The following DPYSL2 variants were observed in gnomAD, a reference collection of about 807,000 sequenced individuals.
The protein encoded by DPYSL2 is dihydropyrimidinase-related protein 2.
In DPYSL2, 13 loss-of-function variants were observed where a neutral mutation model predicts 69.9. The ratio of observed to expected loss-of-function variants is 0.19; its 90% CI spans 0.12 to 0.30. The LOEUF (loss-of-function observed/expected upper bound fraction) is 0.30. Among genes scored for constraint, DPYSL2 ranks in the 10% least tolerant of loss-of-function variants. The probability of loss-of-function intolerance (pLI) is 1.00; values close to 1 mark genes in which losing one functional copy is unlikely to be tolerated. For missense variants in DPYSL2, 587 were observed against 918.9 expected, an observed-to-expected ratio of 0.64 and a Z score of 4.67; for synonymous variants, 326 against 359.1, an observed-to-expected ratio of 0.91 and a Z score of 1.04.
rs1384669018 is a variant in DPYSL2, at chr8:26,516,326, TGAG to T, written c.354+1648_354+1650del. Among the ~76,000 whole-genome samples the T allele has an allele frequency of 6.6e-6, 1 of 152,224 alleles. No homozygotes were observed. The highest frequency in any genetic ancestry group is 1.9e-4 in the East Asian group (1 of 5,202). On this transcript the variant is annotated intron_variant, in intron 1 of 13. Transcript: ENST00000521913. The surrounding 1 kb of genome is among the most constrained non-coding windows in gnomAD (Gnocchi z 4.8). ...AGTGTGTGTGAAACACTTCCCTGTG[TGAG>T]TACATTGAGTGAGGGCCAAAATCAT... is the stretch of plus-strand genomic sequence containing the variant.
At chr8:26,521,730 G>A (rs1388781463) in intron 1 of DPYSL2, among the ~76,000 whole-genome samples, 1 of 151,886 alleles carries the variant, frequency 6.6e-6, no homozygotes, top group East Asian at 1.9e-4. Flanking sequence ...TTTCCTGAGT[G>A]GATTTGCCTA....
rs1337379432 is a variant in DPYSL2 at position 26,624,198 on chromosome 8, G to T, written c.684G>T (p.Trp228Cys). 1 of 1,614,204 alleles carries T rather than the reference G, an allele frequency of 6.2e-7. No homozygotes were observed. The highest frequency in any genetic ancestry group is 1.7e-5 in the Admixed American group (1 of 60,026). The part of the protein sequence containing the change: ...GTSLLAAFDQ[W>C]REWADSKSCC... ...GCCTGCTCGCTGCCTTTGACCAGTGGAGGGAATGGGCCGACAGCAAGTCCT... is the reference window on the plus strand; with the variant it reads ...GCCTGCTCGCTGCCTTTGACCAGTGTAGGGAATGGGCCGACAGCAAGTCCT... The change falls in exon 4 of 14, where the codon TGG (tryptophan) becomes TGT (cysteine). Residue 228 changes from tryptophan (W) to cysteine (C), a missense_variant. Trp to Cys is a radical substitution (Grantham distance 215). Transcript: ENST00000521913. This position sits in a 1 kb window ranked among gnomAD's most constrained non-coding sequence, Gnocchi z 4.7.
intron 8 of DPYSL2, among the ~76,000 whole-genome samples, chr8:26,639,287 A>G (rs951239052): frequency 1.1e-4 from 17 of 152,200 alleles, no homozygotes; most frequent in African/African-American, 4.1e-4. Context: ...TTAAAGAATT[A>G]TATTTAAGGA....
intron 1 of DPYSL2, among the ~76,000 whole-genome samples, chr8:26,566,622 G>A (rs1801152942): frequency 6.6e-6 from 1 of 152,146 alleles, no homozygotes; most frequent in African/African-American, 2.4e-5. Flanking sequence ...AGGAGTAGAT[G>A]ATGAGAAGAA....
Position 26,528,135 on chromosome 8 carries a change from C to T in DPYSL2, c.354+13456C>T, listed in dbSNP as rs546172037. The stretch of plus-strand genomic sequence containing the variant: ...ACCCAGATTTGTGAACACTGCCTCA[C>T]GCAACCTGGCATCAGCTGCTAGAAC... On this transcript the variant is annotated intron_variant, in intron 1 of 13. Coordinates refer to ENST00000521913, the MANE Select transcript of DPYSL2 (RefSeq NM_001197293.3). Among the ~76,000 whole-genome samples, 10 of 152,260 alleles carry T rather than the reference C, an allele frequency of 6.6e-5. No homozygotes were observed. The East Asian group carries it at 9.7e-4, about 15-fold the overall frequency.
chr8:26,536,869 G>A (rs564238917), intron 1 of DPYSL2, among the ~76,000 whole-genome samples: 7 of 152,314 alleles, frequency 4.6e-5, no homozygotes, highest in Non-Finnish European at 8.8e-5. Flanking sequence ...AATTGCAGCT[G>A]TATTGATGGG....
chr8:26,514,713 C>A lies in DPYSL2; in HGVS notation c.354+34C>A. 2.2e-5 allele frequency: 7 copies of A among 312,930 alleles called. No homozygotes were observed. Among genetic ancestry groups the A allele is most frequent in the Non-Finnish European group, 3.6e-5 (7 of 194,196 alleles). The allele number at this position is 312,930 out of a possible 1,614,324, so 19.4% of individuals were successfully genotyped here. On this transcript the variant is annotated intron_variant, in intron 1 of 13. Transcript: ENST00000521913. The surrounding 1 kb of genome is among the most constrained non-coding windows in gnomAD (Gnocchi z 8.4). ...GGGGGTTGGGGGTGGAGACGGAGGA[C>A]GGGGCGCGGGGATCGCCCCTCCCTC...
chr8:26,555,894 T>C (rs867429604), intron 1 of DPYSL2, among the ~76,000 whole-genome samples: 5 of 141,052 alleles, frequency 3.5e-5, no homozygotes, highest in Non-Finnish European at 6.0e-5. Context: ...GTATATGTAG[T>C]ACTTGTATAG....
At chr8:26,545,233 C>T (rs545385034) in intron 1 of DPYSL2, among the ~76,000 whole-genome samples, 3 of 152,300 alleles carry the variant, frequency 2.0e-5, no homozygotes, top group Admixed American at 2.0e-4. Context: ...ACACACAAAA[C>T]ATTCTCTGGG....
intron 1 of DPYSL2, among the ~76,000 whole-genome samples, chr8:26,557,081 C>T (rs1294110771): frequency 3.9e-5 from 6 of 152,044 alleles, no homozygotes; most frequent in Non-Finnish European, 7.4e-5. Context: ...ACTCAGAATA[C>T]ATCATAGACC....
chr8:26,567,485 T>C (rs993172490), intron 1 of DPYSL2, among the ~76,000 whole-genome samples: 2 of 152,214 alleles, frequency 1.3e-5, no homozygotes, highest in Non-Finnish European at 2.9e-5. Flanking sequence ...CGGTGGGTGA[T>C]GAGGAGAGAG....
chr8:26,622,474 A>G lies in DPYSL2; in HGVS notation c.629-1669A>G, dbSNP rs62493362. 7.8e-3 allele frequency among the ~76,000 whole-genome samples: 717 copies of G among 91,636 alleles called. 1 individual carries two copies. The highest frequency in any genetic ancestry group is 0.016 in the African/African-American group (415 of 26,498). 60.1% of individuals were successfully genotyped at this position (91,636 alleles called of 152,430 possible). On this transcript the variant is annotated intron_variant, in intron 3 of 13. Transcript: ENST00000521913. Reference sequence around the variant, plus strand: ...TGTGTGTGTGTGTGTGTGTGTGTGTATATGTGTGTGTGTGTGTGTGTGTAT... The same window carrying G: ...TGTGTGTGTGTGTGTGTGTGTGTGTGTATGTGTGTGTGTGTGTGTGTGTAT...
chr8:26,555,878 ATACTTGTATATGTAG>A (rs1563384553), intron 1 of DPYSL2, among the ~76,000 whole-genome samples: 1 of 144,214 alleles, frequency 6.9e-6, no homozygotes, highest in African/African-American at 2.6e-5. Flanking sequence ...AATTATATAT[ATACTTGTATATGTAG>A]TACTTGTATA....
intron 1 of DPYSL2, among the ~76,000 whole-genome samples, chr8:26,538,782 T>C (rs1800635743): frequency 6.6e-6 from 1 of 151,944 alleles, no homozygotes. Context: ...GTCACTGCAG[T>C]GAGTGTATTT....
chr8:26,568,550 A>G (rs984250879), intron 1 of DPYSL2, among the ~76,000 whole-genome samples: 4 of 152,170 alleles, frequency 2.6e-5, no homozygotes, highest in Admixed American at 1.3e-4. Context: ...ACAATATCCA[A>G]ATGGACTACT....
rs555476254 is a variant in DPYSL2, at chr8:26,617,564, G to A, written c.629-6579G>A. ...CATTTAAATATGGCAAACTCCAAAC[G>A]GGTCTTCTCTTTGAAGTTTTAGGGA... On this transcript the variant is annotated intron_variant, in intron 3 of 13. Transcript: ENST00000521913. This position sits in a 1 kb window ranked among gnomAD's most constrained non-coding sequence, Gnocchi z 4.7. Among the ~76,000 whole-genome samples the A allele has an allele frequency of 1.3e-5, 2 of 152,234 alleles. No homozygotes were observed. Among genetic ancestry groups the A allele is most frequent in the South Asian group, 4.2e-4 (2 of 4,812 alleles).
In DPYSL2 at chr8:26,644,842, A is replaced by G. The variant is rs943090632; in HGVS notation, c.1425+751A>G. ...CTTCCAGTAGGCCTGCTATGAACAT[A>G]CACTGACCTTTAGAGGATCTTTGGG... On this transcript the variant is annotated intron_variant, in intron 10 of 13. Coordinates refer to ENST00000521913, the MANE Select transcript of DPYSL2 (RefSeq NM_001197293.3). This position sits in a 1 kb window ranked among gnomAD's most constrained non-coding sequence, Gnocchi z 4.5. Among the ~76,000 whole-genome samples, 1 of 152,172 alleles carries G rather than the reference A, an allele frequency of 6.6e-6. No homozygotes were observed. The highest frequency in any genetic ancestry group is 2.4e-5 in the African/African-American group (1 of 41,426).
rs984219588 is a variant in DPYSL2, at chr8:26,609,017, T to C, written c.629-15126T>C. 2.6e-5 allele frequency among the ~76,000 whole-genome samples: 4 copies of C among 152,234 alleles called. No homozygotes were observed. Among genetic ancestry groups the C allele is most frequent in the African/African-American group, 9.6e-5 (4 of 41,474 alleles). On this transcript the variant is annotated intron_variant, in intron 3 of 13. Transcript: ENST00000521913. This position sits in a 1 kb window ranked among gnomAD's most constrained non-coding sequence, Gnocchi z 6.5. ...CAATCCAACAGCGGATCTGTTTTTT[T>C]ACTCCATGTAATGGGACTGTTGCTG...
intron 13 of DPYSL2, 103 bp from the exon 14 acceptor site, chr8:26,655,512 G>A (rs1017084322): frequency 5.8e-6 from 6 of 1,042,894 alleles, no homozygotes; most frequent in Middle Eastern, 2.2e-4. Flanking sequence ...AAAAGAATGC[G>A]ACTAGCACTT....
Sources: allele counts gnomAD v4.1 joint callset (sites outside exome capture counted in the v4.1 genomes callset), GRCh38; gene constraint gnomAD v4.1.1; non-coding constraint Gnocchi (gnomAD v3.1); transcripts MANE v1.5; gene names NCBI Gene and HGNC (gene_info 2026-07-23, HGNC 2026-07-21).